Variants in CADPS observed in about 807,000 individuals in gnomAD.
CADPS encodes calcium-dependent secretion activator 1.
CADPS carries 57 observed loss-of-function variants against 167.3 expected under a neutral mutation model. The observed-to-expected ratio is 0.34, with a 90% CI of 0.28 to 0.42. CADPS has a LOEUF of 0.42. Among genes scored for constraint, CADPS ranks in the 20% least tolerant of loss-of-function variants. CADPS has a pLI of 1.00. For synonymous variants in CADPS, 676 were observed against 635.3 expected, an observed-to-expected ratio of 1.06 and a Z score of -0.96; for missense variants, 1,414 against 1,738.1, an observed-to-expected ratio of 0.81 and a Z score of 3.32.
chr3:62,559,010 C>T (rs2034611), intron 9 of CADPS, among the ~76,000 whole-genome samples: 17,849 of 152,142 alleles, frequency 0.12, 1,421 homozygotes, highest in African/African-American at 0.23. Flanking sequence ...ATAAGCTGTC[C>T]GTTCTGTAAG....
At chr3:62,432,860 C>CA (rs2054248266) in intron 28 of CADPS, among the ~76,000 whole-genome samples, 1 of 152,146 alleles carries the variant, frequency 6.6e-6, no homozygotes, top group Non-Finnish European at 1.5e-5. Flanking sequence ...TCAGGGCACT[C>CA]ACGTCTGCTT....
At chr3:62,557,573 C>A in intron 9 of CADPS, 60 bp from the exon 10 acceptor site, 1 of 1,305,444 alleles carries the variant, frequency 7.7e-7, no homozygotes, top group South Asian at 1.2e-5. Flanking sequence ...CCAAAAAACC[C>A]TCCCCCATGT....
intron 3 of CADPS, among the ~76,000 whole-genome samples, chr3:62,731,803 T>A (rs1366803713): frequency 1.9e-4 from 3 of 15,670 alleles, no homozygotes; most frequent in African/African-American, 4.6e-4. Flanking sequence ...ACTGATCATA[T>A]GCAAAAAAAA....
chr3:62,485,294 T>G (rs914795464), intron 21 of CADPS, among the ~76,000 whole-genome samples: 2 of 152,188 alleles, frequency 1.3e-5, no homozygotes, highest in Non-Finnish European at 2.9e-5. Context: ...TCCAACTTTA[T>G]GGCTTGCCTT....
At chr3:62,509,700 T>A (rs74506705) in intron 17 of CADPS, among the ~76,000 whole-genome samples, 21,699 of 152,064 alleles carry the variant, frequency 0.14, 1,632 homozygotes, top group East Asian at 0.17. Context: ...CGGGAAGAAT[T>A]TACAATGTAA....
At chr3:62,708,303 A>G (rs2082706022) in intron 3 of CADPS, among the ~76,000 whole-genome samples, 1 of 151,968 alleles carries the variant, frequency 6.6e-6, no homozygotes, top group Non-Finnish European at 1.5e-5. Flanking sequence ...TATTATATGT[A>G]TTTGTGTGTG....
At chr3:62,742,585 G>C (rs1489219477) in intron 3 of CADPS, among the ~76,000 whole-genome samples, 1 of 152,156 alleles carries the variant, frequency 6.6e-6, no homozygotes, top group Non-Finnish European at 1.5e-5. Context: ...GCAGAAGATT[G>C]AAACTGGACA....
intron 9 of CADPS, among the ~76,000 whole-genome samples, chr3:62,560,906 C>T (rs1177665320): frequency 6.6e-6 from 1 of 151,912 alleles, no homozygotes; most frequent in Non-Finnish European, 1.5e-5. Context: ...TGGTGAAACC[C>T]CCTCTCTACT....
At chr3:62,516,321 C>A (rs2068986309) in intron 15 of CADPS, 139 bp from the exon 16 acceptor site, 1 of 1,172,284 alleles carries the variant, frequency 8.5e-7, no homozygotes, top group African/African-American at 1.5e-5. Context: ...AGAGAAAGCA[C>A]CAGAATTGCA....
At chr3:62,756,785 C>G (rs1353509684) in intron 2 of CADPS, among the ~76,000 whole-genome samples, 1 of 152,084 alleles carries the variant, frequency 6.6e-6, no homozygotes, top group Admixed American at 6.5e-5. Flanking sequence ...CGTGTGAAGA[C>G]CCCAAGTGCC....
chr3:62,425,204 CT>C (rs1333916283), intron 28 of CADPS, among the ~76,000 whole-genome samples: 2 of 152,120 alleles, frequency 1.3e-5, no homozygotes, highest in Non-Finnish European at 2.9e-5. Flanking sequence ...ATCTTTTATC[CT>C]TAGAGTCAGG....
Position 62,554,537 on chromosome 3 carries a change from C to T in CADPS, c.1753+2868G>A, listed in dbSNP as rs144233813. Among the ~76,000 whole-genome samples, 189 of 152,222 alleles carry T rather than the reference C, an allele frequency of 1.2e-3. 1 individual carries two copies. Among genetic ancestry groups the T allele is most frequent in the African/African-American group, 4.1e-3 (170 of 41,538 alleles). On this transcript the variant is annotated intron_variant, in intron 10 of 29. Coordinates refer to ENST00000383710, the MANE Select transcript of CADPS (RefSeq NM_003716.4). ...AGAGAGGTAGAGTCTGAAGTCCTCC[C>T]CATTTGCACACTCACCTTTCAGGGA...
intron 17 of CADPS, among the ~76,000 whole-genome samples, chr3:62,508,301 TC>T (rs1479964821): frequency 1.3e-5 from 2 of 152,204 alleles, no homozygotes; most frequent in African/African-American, 2.4e-5. Flanking sequence ...GAACCTGGCT[TC>T]TTTTCTCCAG....
chr3:62,557,575 C>T (rs1332534786), intron 9 of CADPS, 62 bp from the exon 10 acceptor site: 2 of 1,261,314 alleles, frequency 1.6e-6, no homozygotes, highest in East Asian at 2.3e-5. Flanking sequence ...AAAAAACCCT[C>T]CCCCATGTTC....
rs1209942461 is a variant in CADPS, at chr3:62,412,998, G to A, written c.3778-9813C>T. Among the ~76,000 whole-genome samples the A allele has an allele frequency of 6.6e-6, 1 of 152,160 alleles. No individual in the cohort carries two copies. The highest frequency in any genetic ancestry group is 1.5e-5 in the Non-Finnish European group (1 of 68,028). ...TTTTCAATATGGCGGGTGGTCATCAGTGAGGAGGTGTGATGGTCTCAGAAA... is the reference window on the plus strand; with the variant it reads ...TTTTCAATATGGCGGGTGGTCATCAATGAGGAGGTGTGATGGTCTCAGAAA... On this transcript the variant is annotated intron_variant, in intron 28 of 29. Transcript: ENST00000383710. The surrounding 1 kb of genome is among the most constrained non-coding windows in gnomAD (Gnocchi z 4.1).
At chr3:62,402,242 G>T (rs971836123) in intron 29 of CADPS, among the ~76,000 whole-genome samples, 1 of 76,426 alleles carries the variant, frequency 1.3e-5, no homozygotes, top group Admixed American at 1.1e-4. Flanking sequence ...GTGGGGGCGG[G>T]GGGGGGGGGT....
chr3:62,671,214 G>C (rs1019054409), intron 3 of CADPS, among the ~76,000 whole-genome samples: 3 of 152,090 alleles, frequency 2.0e-5, no homozygotes, highest in Non-Finnish European at 4.4e-5. Flanking sequence ...CAAGGTTAAG[G>C]CCATAATGTA....
Position 62,569,847 on chromosome 3 carries a change from A to T in CADPS, c.1644+1025T>A, listed in dbSNP as rs117365389. Among the ~76,000 whole-genome samples, 60 of 152,354 alleles carry T rather than the reference A, an allele frequency of 3.9e-4. No individual in the cohort carries two copies. In the East Asian group the frequency reaches 0.012, roughly 29 times the overall value. ...AATGCTCTGGTGGAGTCTGAAAATTAAAAACAGGCACTGGAAAACTTTGTA... is the reference window on the plus strand; with the variant it reads ...AATGCTCTGGTGGAGTCTGAAAATTTAAAACAGGCACTGGAAAACTTTGTA... On this transcript the variant is annotated intron_variant, in intron 9 of 29. Coordinates refer to ENST00000383710, the MANE Select transcript of CADPS (RefSeq NM_003716.4).
rs17066401 is a variant in CADPS at position 62,444,688 on chromosome 3, A to C, written c.3669+1077T>G. ...TTGATTGTACATTCTTTCATTAAACAAACACAATATATGCTAATGCTAAAT... is the reference window on the plus strand; with the variant it reads ...TTGATTGTACATTCTTTCATTAAACCAACACAATATATGCTAATGCTAAAT... On this transcript the variant is annotated intron_variant, in intron 27 of 29. Coordinates refer to ENST00000383710, the MANE Select transcript of CADPS (RefSeq NM_003716.4). Among the ~76,000 whole-genome samples the C allele has an allele frequency of 7.9e-3, 1,209 of 152,350 alleles. 15 individuals are homozygous for C. Among genetic ancestry groups the C allele is most frequent in the African/African-American group, 0.028 (1,150 of 41,572 alleles).
Sources: gnomAD v4.1 joint callset for allele counts (sites outside exome capture counted in the v4.1 genomes callset) on GRCh38, gnomAD v4.1.1 for gene constraint, Gnocchi (gnomAD v3.1) non-coding constraint, MANE v1.5 for transcripts, NCBI Gene and HGNC (gene_info 2026-07-23, HGNC 2026-07-21) for gene names.